ASB18: variants seen among roughly 807,000 people sequenced by gnomAD.
The protein encoded by ASB18 is ankyrin repeat and SOCS box protein 18.
Under a neutral mutation model 33.4 loss-of-function variants are expected in ASB18, and 33 were observed. That is an observed-to-expected ratio of 0.99 (90% confidence interval 0.75 to 1.32). The LOEUF (loss-of-function observed/expected upper bound fraction) is 1.32, where lower values mean the gene tolerates loss of function less well. Ranked by LOEUF, ASB18 falls within the 40% of genes most tolerant of loss-of-function variation. ASB18 has a pLI of 0.00. For synonymous variants in ASB18, 295 were observed against 307.6 expected (o/e 0.96, Z 0.43); for missense variants, 694 against 655.5 (o/e 1.06, Z -0.64).
rs1180879719 is a variant in ASB18, at chr2:236,248,743, G to C, written c.206-7341C>G. 6.6e-6 allele frequency: 1 copy of C among 152,214 alleles called. No homozygotes were observed. Among genetic ancestry groups the C allele is most frequent in the Admixed American group, 6.5e-5 (1 of 15,280 alleles). The allele number at this position is 152,214 out of a possible 1,614,324, so 9.4% of individuals were successfully genotyped here. On this transcript the variant is annotated intron_variant, in intron 1 of 5. Coordinates refer to ENST00000409749, the MANE Select transcript of ASB18 (RefSeq NM_212556.4). The surrounding 1 kb of genome is among the most constrained non-coding windows in gnomAD (Gnocchi z 4.9). ...TTTATCCCTGGACTTACCCCATTTT[G>C]TGTGATACATATCGTGATTTGAATG...
chr2:236,264,154 G>T lies in ASB18; in HGVS notation c.192C>A (p.Thr64=), dbSNP rs1169533543. The change falls in exon 1 of 6, where the codon ACC becomes ACA. Residue 64 remains threonine, a synonymous_variant. Coordinates refer to ENST00000409749, the MANE Select transcript of ASB18 (RefSeq NM_212556.4). The surrounding 1 kb of genome is among the most constrained non-coding windows in gnomAD (Gnocchi z 5.1). ...CGTTCTGGTTACCTAGCAGCATGCC[G>T]GTGGGCAGCTGAGCCGAGGGGTCTT... ...WMKDPSAQLP[T]GMLLGDLDHL... The T allele has an allele frequency of 5.0e-6, 8 of 1,613,610 alleles. No homozygotes were observed. The highest frequency in any genetic ancestry group is 6.8e-6 in the Non-Finnish European group (8 of 1,179,806).
chr2:236,209,567 A>C lies in ASB18; in HGVS notation c.1101+4795T>G, dbSNP rs2060449708. On this transcript the variant is annotated intron_variant, in intron 4 of 5. Transcript: ENST00000409749. The surrounding 1 kb of genome is among the most constrained non-coding windows in gnomAD (Gnocchi z 4.4). Reference sequence around the variant, plus strand: ...GCGTGAGCTATTGCCTCTGGCCTAGAATCTGTTATTCTTGCACCAACCTCC... The same window carrying C: ...GCGTGAGCTATTGCCTCTGGCCTAGCATCTGTTATTCTTGCACCAACCTCC... 6.6e-6 allele frequency among the ~76,000 whole-genome samples: 1 copy of C among 152,142 alleles called. No individual in the cohort carries two copies. Among genetic ancestry groups the C allele is most frequent in the Non-Finnish European group, 1.5e-5 (1 of 68,026 alleles).
chr2:236,199,842 A>G (rs1208077729), intron 4 of ASB18, among the ~76,000 whole-genome samples: 1 of 152,078 alleles, frequency 6.6e-6, no homozygotes, highest in Non-Finnish European at 1.5e-5. Context: ...TGGAATCAGG[A>G]AGGCACAGTA....
At chr2:236,212,114 G>A (rs958478174) in intron 4 of ASB18, among the ~76,000 whole-genome samples, 1 of 152,138 alleles carries the variant, frequency 6.6e-6, no homozygotes, top group African/African-American at 2.4e-5. Flanking sequence ...CAGGATGGGT[G>A]GGAACTGACA....
intron 3 of ASB18, among the ~76,000 whole-genome samples, chr2:236,218,801 A>C (rs2060499185): frequency 8.1e-6 from 1 of 123,292 alleles, no homozygotes; most frequent in South Asian, 2.1e-4. Context: ...CCATCTCAAA[A>C]AAAAAAAAAA....
Position 236,257,684 on chromosome 2 carries a change from A to G in ASB18, c.205+6457T>C, listed in dbSNP as rs750268414. On this transcript the variant is annotated intron_variant, in intron 1 of 5. Transcript: ENST00000409749. The surrounding 1 kb of genome is among the most constrained non-coding windows in gnomAD (Gnocchi z 5.5). ...CAGCAAGAGCCCCTGACTACAAGTC[A>G]GGAAGCATACCTGCTCCTGCTCTGC... Among the ~76,000 whole-genome samples, 10 of 152,246 alleles carry G rather than the reference A, an allele frequency of 6.6e-5. No homozygotes were observed. The highest frequency in any genetic ancestry group is 1.5e-4 in the Non-Finnish European group (10 of 68,042).
chr2:236,220,657 A>G lies in ASB18; in HGVS notation c.597-5791T>C, dbSNP rs1319069506. Reference sequence around the variant, plus strand: ...GAAATTGAGGCTTAAAAGGCCAGTGACATGCATAAGGCAGGAAGTGGCAAA... The same window carrying G: ...GAAATTGAGGCTTAAAAGGCCAGTGGCATGCATAAGGCAGGAAGTGGCAAA... On this transcript the variant is annotated intron_variant, in intron 3 of 5. Transcript: ENST00000409749. This position sits in a 1 kb window ranked among gnomAD's most constrained non-coding sequence, Gnocchi z 5.1. 6.6e-6 allele frequency among the ~76,000 whole-genome samples: 1 copy of G among 151,930 alleles called. No individual in the cohort carries two copies. The highest frequency in any genetic ancestry group is 1.5e-5 in the Non-Finnish European group (1 of 68,006).
intron 4 of ASB18, among the ~76,000 whole-genome samples, chr2:236,210,818 G>A (rs2060455894): frequency 6.6e-6 from 1 of 152,224 alleles, no homozygotes; most frequent in Middle Eastern, 3.2e-3. Flanking sequence ...AGGCAGTGGA[G>A]GGCAGGGGTT....
chr2:236,224,364 G>C (rs1032457360), intron 3 of ASB18, among the ~76,000 whole-genome samples: 3 of 152,010 alleles, frequency 2.0e-5, no homozygotes, highest in African/African-American at 7.3e-5. Flanking sequence ...TTTGCCCTGA[G>C]TGTAAAGTTT....
intron 4 of ASB18, among the ~76,000 whole-genome samples, chr2:236,202,814 T>TACACACACAC (rs1553599254): frequency 1.6e-5 from 2 of 126,592 alleles, no homozygotes; most frequent in Admixed American, 7.9e-5. Context: ...TATATATATA[T>TACACACACAC]ACACACACCT....
At position 236,251,050 on chromosome 2, in the gene ASB18, A is replaced by G. The variant is rs2060666664; in HGVS notation, c.206-9648T>C. Among the ~76,000 whole-genome samples the G allele has an allele frequency of 6.6e-6, 1 of 152,216 alleles. No homozygotes were observed. Among genetic ancestry groups the G allele is most frequent in the Non-Finnish European group, 1.5e-5 (1 of 68,028 alleles). On this transcript the variant is annotated intron_variant, in intron 1 of 5. Transcript: ENST00000409749. The surrounding 1 kb of genome is among the most constrained non-coding windows in gnomAD (Gnocchi z 5.3). ...GTGGAGGAACACAATAAGGGAGGAA[A>G]CCACCTCACTAACTTATTTTCCCGT...
At chr2:236,246,051 C>A (rs142548919) in intron 1 of ASB18, among the ~76,000 whole-genome samples, 13 of 152,164 alleles carry the variant, frequency 8.5e-5, no homozygotes, top group African/African-American at 3.1e-4. Flanking sequence ...AGATCCTTAC[C>A]AGGTTTTGTA....
rs910170728 is a variant in ASB18, at chr2:236,203,724, G to A, written c.1102-7339C>T. 2.6e-5 allele frequency among the ~76,000 whole-genome samples: 4 copies of A among 152,118 alleles called. No homozygotes were observed. The highest frequency in any genetic ancestry group is 9.7e-5 in the African/African-American group (4 of 41,414). The stretch of plus-strand genomic sequence containing the variant: ...CTACAAAAAATACAAAAACTTAGCT[G>A]GGTGTGATGGTGTGCATCTGTAATC... On this transcript the variant is annotated intron_variant, in intron 4 of 5. Transcript: ENST00000409749. The surrounding 1 kb of genome is among the most constrained non-coding windows in gnomAD (Gnocchi z 6.0).
In ASB18 at chr2:236,238,835, C is replaced by T. The variant is rs2060608616; in HGVS notation, c.329-879G>A. Among the ~76,000 whole-genome samples the T allele has an allele frequency of 3.3e-5, 5 of 152,252 alleles. No homozygotes were observed. Among genetic ancestry groups the T allele is most frequent in the Admixed American group, 2.6e-4 (4 of 15,298 alleles). On this transcript the variant is annotated intron_variant, in intron 2 of 5. Coordinates refer to ENST00000409749, the MANE Select transcript of ASB18 (RefSeq NM_212556.4). This position sits in a 1 kb window ranked among gnomAD's most constrained non-coding sequence, Gnocchi z 5.2. ...GGCCTTCTGATAATGATGGAAGAATCGATACTGTGGCTGTAATGAGCCGCA... is the reference window on the plus strand; with the variant it reads ...GGCCTTCTGATAATGATGGAAGAATTGATACTGTGGCTGTAATGAGCCGCA...
Position 236,244,428 on chromosome 2 carries a change from C to A in ASB18, c.206-3026G>T, listed in dbSNP as rs1296015900. 6.6e-6 allele frequency among the ~76,000 whole-genome samples: 1 copy of A among 152,208 alleles called. No homozygotes were observed. Among genetic ancestry groups the A allele is most frequent in the African/African-American group, 2.4e-5 (1 of 41,446 alleles). On this transcript the variant is annotated intron_variant, in intron 1 of 5. Transcript: ENST00000409749. This position sits in a 1 kb window ranked among gnomAD's most constrained non-coding sequence, Gnocchi z 6.1. ...CCTGGGGACCCATGGGATCCCATCC[C>A]CACATGGTGTTGCAACCAGGAAGCA...
At chr2:236,198,039 G>A (rs73115942) in intron 4 of ASB18, among the ~76,000 whole-genome samples, 7,969 of 152,196 alleles carry the variant, frequency 0.052, 464 homozygotes, top group African/African-American at 0.14. Flanking sequence ...CCTGCCCTGC[G>A]TCATGTCTAC....
Position 236,238,503 on chromosome 2 carries a change from CAG to C in ASB18, c.329-549_329-548del, listed in dbSNP as rs1190802987. On this transcript the variant is annotated intron_variant, in intron 2 of 5. Transcript: ENST00000409749. This position sits in a 1 kb window ranked among gnomAD's most constrained non-coding sequence, Gnocchi z 5.2. ...ACCAAGGTTGTTCAAGAAAAGGACT[CAG>C]AGAAAGTTTAGCTCTCTTGCAAGTG... is the stretch of plus-strand genomic sequence containing the variant. Among the ~76,000 whole-genome samples, 1 of 152,136 alleles carries C rather than the reference CAG, an allele frequency of 6.6e-6. No homozygotes were observed. The highest frequency in any genetic ancestry group is 2.4e-5 in the African/African-American group (1 of 41,424).
Position 236,264,077 on chromosome 2 carries a change from C to A in ASB18, c.205+64G>T. 1 of 1,459,132 alleles carries A rather than the reference C, an allele frequency of 6.9e-7. No individual in the cohort carries two copies. The highest frequency in any genetic ancestry group is 9.5e-7 in the Non-Finnish European group (1 of 1,053,214). The allele number at this position is 1,459,132 out of a possible 1,614,324, so 90.4% of individuals were successfully genotyped here. On this transcript the variant is annotated intron_variant, in intron 1 of 5. Transcript: ENST00000409749. The surrounding 1 kb of genome is among the most constrained non-coding windows in gnomAD (Gnocchi z 5.1). ...ACATTTGCCCCTCTACCTCCAGGAT[C>A]TGCCCACCCCATCAGTGTAACTTAG...
rs1396166087 is a variant in ASB18 at position 236,214,064 on chromosome 2, G to T, written c.1101+298C>A. On this transcript the variant is annotated intron_variant, in intron 4 of 5. Transcript: ENST00000409749. The surrounding 1 kb of genome is among the most constrained non-coding windows in gnomAD (Gnocchi z 6.5). ...CCGTCCCCAGGTGACTACTTTGAAA[G>T]GATGCATTCTTCACATGCAACCCCT... 1 of 393,926 alleles carries T rather than the reference G, an allele frequency of 2.5e-6. No homozygotes were observed. The highest frequency in any genetic ancestry group is 4.5e-6 in the Non-Finnish European group (1 of 221,478). The allele number at this position is 393,926 out of a possible 1,614,324, so 24.4% of individuals were successfully genotyped here.
Sources: gnomAD v4.1 joint callset for allele counts (sites outside exome capture counted in the v4.1 genomes callset) on GRCh38, gnomAD v4.1.1 for gene constraint, Gnocchi (gnomAD v3.1) non-coding constraint, MANE v1.5 for transcripts, NCBI Gene and HGNC (gene_info 2026-07-23, HGNC 2026-07-21) for gene names.